The following ATP2C1 variants were observed in gnomAD, a reference collection of about 807,000 sequenced individuals.
The protein encoded by ATP2C1 is ATPase secretory pathway Ca2+ transporting 1.
In ATP2C1, 31 loss-of-function variants were observed where a neutral mutation model predicts 120.5. That is an observed-to-expected ratio of 0.26 (90% CI 0.19 to 0.35). The LOEUF (loss-of-function observed/expected upper bound fraction) is 0.35. Among genes scored for constraint, ATP2C1 ranks in the 10% least tolerant of loss-of-function variants. ATP2C1 has a pLI of 1.00. For synonymous variants in ATP2C1, 351 were observed against 358.7 expected (o/e 0.98, Z 0.24); for missense variants, 731 against 1,107.5 (o/e 0.66, Z 4.83).
chr3:130,903,882 C>T (rs1268666352), intron 2 of ATP2C1, among the ~76,000 whole-genome samples: 1 of 151,946 alleles, frequency 6.6e-6, no homozygotes, highest in Non-Finnish European at 1.5e-5. Context: ...CATCCTTGTA[C>T]CAAATTTCTT....
rs1312488263 is a variant in ATP2C1, at chr3:130,929,108, T to G, written c.7-1308T>G. Among the ~76,000 whole-genome samples, 5 of 152,178 alleles carry G rather than the reference T, an allele frequency of 3.3e-5. No homozygotes were observed. The East Asian group carries it at 9.6e-4, about 29-fold the overall frequency. On this transcript the variant is annotated intron_variant, in intron 2 of 27. Coordinates refer to ENST00000510168, the MANE Select transcript of ATP2C1 (RefSeq NM_001378687.1). ...TAAAAATATTATGCTATAAAATAAT[T>G]TCAGTAATTTGCAGTAAAGAAAGGT...
At chr3:130,907,332 T>A (rs999744591) in intron 2 of ATP2C1, among the ~76,000 whole-genome samples, 5 of 152,088 alleles carry the variant, frequency 3.3e-5, no homozygotes, top group Non-Finnish European at 7.4e-5. Flanking sequence ...TGTGTTTCTT[T>A]TATTGTTTGT....
chr3:130,997,214 G>C (rs2062666933), intron 24 of ATP2C1, among the ~76,000 whole-genome samples: 1 of 152,030 alleles, frequency 6.6e-6, no homozygotes, highest in African/African-American at 2.4e-5. Flanking sequence ...AATAATAATG[G>C]GGTAGTTGAG....
chr3:130,857,261 T>C (rs1335297178), intron 1 of ATP2C1, among the ~76,000 whole-genome samples: 3 of 152,240 alleles, frequency 2.0e-5, no homozygotes, highest in Non-Finnish European at 4.4e-5. Context: ...GAGTTATCAT[T>C]GATAGCTTGC....
chr3:130,988,850 A>G (rs78492363), intron 20 of ATP2C1, among the ~76,000 whole-genome samples: 2,093 of 152,314 alleles, frequency 0.014, 30 homozygotes, highest in East Asian at 0.075. Flanking sequence ...GCTGGGGACC[A>G]AGTCTCCACT....
intron 2 of ATP2C1, among the ~76,000 whole-genome samples, chr3:130,895,764 A>G (rs1057417743): frequency 6.6e-6 from 1 of 152,204 alleles, no homozygotes; most frequent in East Asian, 1.9e-4. Flanking sequence ...AGGACTAGTA[A>G]TTTTGAAATG....
intron 14 of ATP2C1, among the ~76,000 whole-genome samples, chr3:130,966,007 T>C (rs534397748): frequency 1.9e-4 from 29 of 152,338 alleles, no homozygotes; most frequent in African/African-American, 6.0e-4. Flanking sequence ...AAGGTGCTTA[T>C]GGACAGGTCT....
intron 8 of ATP2C1, among the ~76,000 whole-genome samples, chr3:130,943,641 T>C (rs1033169429): frequency 3.9e-5 from 6 of 152,242 alleles, no homozygotes; most frequent in African/African-American, 1.2e-4. Flanking sequence ...TCTGCAGTAC[T>C]GTAGTTAGGT....
intron 18 of ATP2C1, among the ~76,000 whole-genome samples, chr3:130,976,207 A>C (rs1292348293): frequency 1.3e-5 from 2 of 152,222 alleles, no homozygotes; most frequent in Admixed American, 6.5e-5. Flanking sequence ...GAGGAAGAAA[A>C]ACAAGTTATG....
intron 1 of ATP2C1, among the ~76,000 whole-genome samples, chr3:130,874,024 C>A (rs1163793462): frequency 6.6e-6 from 1 of 151,534 alleles, no homozygotes; most frequent in East Asian, 1.9e-4. Flanking sequence ...GCAGGAGAAT[C>A]GCTTGAACCC....
chr3:130,990,678 C>T (rs952128390), intron 20 of ATP2C1, among the ~76,000 whole-genome samples: 6 of 152,114 alleles, frequency 3.9e-5, no homozygotes, highest in Non-Finnish European at 8.8e-5. Flanking sequence ...AAATTGACTG[C>T]AGGAAACTAG....
At position 130,999,653 on chromosome 3, in the gene ATP2C1, A is replaced by C; in HGVS notation, c.2623A>C (p.Ile875Leu). 3 of 1,611,800 alleles carry C rather than the reference A, an allele frequency of 1.9e-6. No individual in the cohort carries two copies. Among genetic ancestry groups the C allele is most frequent in the Non-Finnish European group, 1.7e-6 (2 of 1,178,122 alleles). ...QKVFQTESLSILDLLFLLGLT... is the reference protein window; with the variant it reads ...QKVFQTESLSLLDLLFLLGLT... ...GGTTTTTCAGACTGAGAGCCTAAGC[A>C]TACTGGGTAAAGAAAACGTTATCTT... The change falls in exon 27 of 28, where the codon ATA (isoleucine) becomes CTA (leucine). Residue 875 changes from isoleucine to leucine, a missense_variant. Physicochemically the swap from Ile to Leu is conservative, Grantham distance 5 (BLOSUM62 2). Coordinates refer to ENST00000510168, the MANE Select transcript of ATP2C1 (RefSeq NM_001378687.1).
chr3:130,904,248 TAA>T lies in ATP2C1; in HGVS notation c.6+9475_6+9476del, dbSNP rs1424676182. On this transcript the variant is annotated intron_variant, in intron 2 of 27. Coordinates refer to ENST00000510168, the MANE Select transcript of ATP2C1 (RefSeq NM_001378687.1). Reference sequence around the variant, plus strand: ...ATTAAAACCAGGACATTCACATTTATAAACTATCCTTTTTCTAGTTCAGGATC... The same window carrying T: ...ATTAAAACCAGGACATTCACATTTATACTATCCTTTTTCTAGTTCAGGATC... 3.3e-5 allele frequency among the ~76,000 whole-genome samples: 5 copies of T among 152,192 alleles called. No homozygotes were observed. The South Asian group carries it at 1.0e-3, about 31-fold the overall frequency.
chr3:130,982,602 AT>A (rs1337119537), intron 20 of ATP2C1, among the ~76,000 whole-genome samples: 1 of 152,196 alleles, frequency 6.6e-6, no homozygotes, highest in Non-Finnish European at 1.5e-5. Flanking sequence ...ATAAGCACTT[AT>A]CTGGAATTTA....
rs529131733 is a variant in ATP2C1 at position 130,898,991 on chromosome 3, A to G, written c.6+4216A>G. On this transcript the variant is annotated intron_variant, in intron 2 of 27. Transcript: ENST00000510168. ...TTGTTGAAACAAATTCTTTTTAATA[A>G]TGGTTTCAGGCATCAGTTGTGACAA... Among the ~76,000 whole-genome samples the G allele has an allele frequency of 9.2e-5, 14 of 152,278 alleles. No homozygotes were observed. In the South Asian group the frequency reaches 2.9e-3, roughly 32 times the overall value.
At chr3:130,865,764 C>T (rs76933875) in intron 1 of ATP2C1, among the ~76,000 whole-genome samples, 2,083 of 152,278 alleles carry the variant, frequency 0.014, 43 homozygotes, top group African/African-American at 0.048. Flanking sequence ...CTGAGGCCTC[C>T]CCAGCCATGT....
chr3:130,946,817 G>A (rs2060173654), intron 8 of ATP2C1, among the ~76,000 whole-genome samples: 1 of 152,158 alleles, frequency 6.6e-6, no homozygotes, highest in Non-Finnish European at 1.5e-5. Context: ...ACTTATGTTG[G>A]TAATGAAGCT....
intron 2 of ATP2C1, among the ~76,000 whole-genome samples, chr3:130,917,972 TTTC>T (rs1310937057): frequency 1.3e-5 from 2 of 151,882 alleles, no homozygotes; most frequent in East Asian, 4.1e-4. Context: ...TTTTGTAGAA[TTTC>T]TTTTTTTTTT....
At chr3:130,983,506 GT>G (rs1381139778) in intron 20 of ATP2C1, among the ~76,000 whole-genome samples, 1 of 152,154 alleles carries the variant, frequency 6.6e-6, no homozygotes, top group Non-Finnish European at 1.5e-5. Context: ...TTACATTAAG[GT>G]TTACTTTTTG....
Sources: allele counts gnomAD v4.1 joint callset (sites outside exome capture counted in the v4.1 genomes callset), GRCh38; gene constraint gnomAD v4.1.1; transcripts MANE v1.5; gene names NCBI Gene and HGNC (gene_info 2026-07-23, HGNC 2026-07-21).